Variants in ST7 observed in about 807,000 individuals in gnomAD.
The protein encoded by ST7 is suppressor of tumorigenicity 7 protein.
In ST7, 28 loss-of-function variants were observed where a neutral mutation model predicts 78.7. The ratio of observed to expected loss-of-function variants is 0.36; its 90% confidence interval spans 0.26 to 0.49. The LOEUF (loss-of-function observed/expected upper bound fraction) is 0.49. Ranked by LOEUF, ST7 falls within the 20% of genes least tolerant of loss-of-function variation. The pLI, the probability that ST7 is intolerant of heterozygous loss-of-function variation, is 0.99. For missense variants in ST7, 418 were observed against 696.0 expected, an observed-to-expected ratio of 0.60 and a Z score of 4.49; for synonymous variants, 247 against 249.6, an observed-to-expected ratio of 0.99 and a Z score of 0.10.
intron 10 of ST7, among the ~76,000 whole-genome samples, chr7:117,173,765 G>A (rs867789526): frequency 2.6e-5 from 4 of 152,042 alleles, no homozygotes; most frequent in East Asian, 1.9e-4. Flanking sequence ...TTGGGTAGCC[G>A]TTTTTTGGAT....
intron 10 of ST7, among the ~76,000 whole-genome samples, chr7:117,186,301 A>G (rs935397417): frequency 2.0e-5 from 3 of 152,190 alleles, no homozygotes; most frequent in Non-Finnish European, 4.4e-5. Flanking sequence ...CTTTGTGGCC[A>G]TTATGCAATA....
At chr7:117,181,018 A>G (rs1808715781) in intron 10 of ST7, among the ~76,000 whole-genome samples, 1 of 152,208 alleles carries the variant, frequency 6.6e-6, no homozygotes, top group Non-Finnish European at 1.5e-5. Flanking sequence ...TTCAATTAAT[A>G]TAACTTACTT....
At chr7:117,129,750 A>T in intron 3 of ST7, 43 bp from the exon 4 acceptor site, 1 of 1,506,194 alleles carries the variant, frequency 6.6e-7, no homozygotes, top group Non-Finnish European at 9.2e-7. Context: ...TTGTAGTGTC[A>T]CTGAACTTAC....
chr7:117,143,470 T>C (rs530281265), intron 9 of ST7, among the ~76,000 whole-genome samples: 350 of 152,320 alleles, frequency 2.3e-3, no homozygotes, highest in Non-Finnish European at 3.5e-3. Flanking sequence ...ATTTGAAGTG[T>C]CCCCTGGCCA....
chr7:117,200,294 C>T (rs546107898), intron 12 of ST7, among the ~76,000 whole-genome samples: 1 of 152,164 alleles, frequency 6.6e-6, no homozygotes, highest in South Asian at 2.1e-4. Context: ...GCATACAGTT[C>T]AGAAAATAAC....
chr7:117,208,900 T>TGGGG (rs1469878687), intron 12 of ST7, among the ~76,000 whole-genome samples: 9 of 99,330 alleles, frequency 9.1e-5, no homozygotes, highest in African/African-American at 2.0e-4. Flanking sequence ...GGTGTATGTG[T>TGGGG]GGGTGTGTGT....
chr7:117,209,390 A>C (rs1333887664), intron 12 of ST7, among the ~76,000 whole-genome samples: 1 of 152,188 alleles, frequency 6.6e-6, no homozygotes, highest in Non-Finnish European at 1.5e-5. Flanking sequence ...ACTCAATCTC[A>C]AATCTTTCTA....
intron 1 of ST7, among the ~76,000 whole-genome samples, chr7:117,080,011 C>T (rs922916909): frequency 1.8e-4 from 20 of 111,234 alleles, no homozygotes; most frequent in African/African-American, 5.1e-4. Flanking sequence ...GACGGAGTCT[C>T]GCTCTGTCGC....
intron 1 of ST7, among the ~76,000 whole-genome samples, chr7:117,003,629 C>T (rs920946856): frequency 5.9e-5 from 9 of 151,988 alleles, no homozygotes; most frequent in African/African-American, 1.2e-4. Flanking sequence ...ATGGGGGTTT[C>T]GCCATGTTGC....
intron 1 of ST7, among the ~76,000 whole-genome samples, chr7:117,051,071 G>A (rs1584524428): frequency 1.3e-5 from 2 of 151,980 alleles, no homozygotes; most frequent in East Asian, 3.8e-4. Context: ...GTTCAAATTT[G>A]TGATTCCAGG....
chr7:117,072,492 GT>G (rs1400775764), intron 1 of ST7: 1 of 152,150 alleles, frequency 6.6e-6, no homozygotes, highest in Non-Finnish European at 1.5e-5. Context: ...AGTAACAGAT[GT>G]TTTGATTTCA....
chr7:116,975,901 TG>T (rs763422858), intron 1 of ST7, among the ~76,000 whole-genome samples: 65 of 152,296 alleles, frequency 4.3e-4, no homozygotes, highest in Non-Finnish European at 7.1e-4. Context: ...TCAACTTTAC[TG>T]GGTATTGCCA....
At chr7:117,083,004 T>C (rs1799898530) in intron 1 of ST7, among the ~76,000 whole-genome samples, 1 of 152,200 alleles carries the variant, frequency 6.6e-6, no homozygotes, top group Non-Finnish European at 1.5e-5. Flanking sequence ...AGTTTAGGAA[T>C]TGGTCAACTA....
intron 1 of ST7, among the ~76,000 whole-genome samples, chr7:117,052,817 G>C (rs1045401182): frequency 6.6e-6 from 1 of 152,208 alleles, no homozygotes; most frequent in African/African-American, 2.4e-5. Flanking sequence ...TGGCGTGAAC[G>C]CAGGAGGCGG....
intron 1 of ST7, among the ~76,000 whole-genome samples, chr7:116,982,568 A>C (rs1794006756): frequency 6.6e-6 from 1 of 152,086 alleles, no homozygotes. Context: ...CATTATTTTA[A>C]TACTCAAATT....
rs897757492 is a variant in ST7 at position 117,022,861 on chromosome 7, G to A, written c.151+69170G>A. 3.3e-5 allele frequency: 5 copies of A among 152,064 alleles called. No homozygotes were observed. The South Asian group carries it at 8.3e-4, about 25-fold the overall frequency. The allele number at this position is 152,064 out of a possible 1,614,324, so 9.4% of individuals were successfully genotyped here. ...CATGCAGTAAAATGCTTAAGTCTAG[G>A]TGTGCAGCTCAGTGAATTTTTGCCC... On this transcript the variant is annotated intron_variant, in intron 1 of 15. Transcript: ENST00000323984.
chr7:117,083,169 C>G (rs886332869), intron 1 of ST7, among the ~76,000 whole-genome samples: 4 of 151,850 alleles, frequency 2.6e-5, no homozygotes, highest in African/African-American at 9.7e-5. Context: ...AAGCGATTCT[C>G]TTGCTTCAGC....
chr7:117,012,796 T>A (rs1198781941), intron 1 of ST7, among the ~76,000 whole-genome samples: 2 of 152,064 alleles, frequency 1.3e-5, no homozygotes, highest in African/African-American at 4.8e-5. Flanking sequence ...GAGATGGGAG[T>A]TGAATCTTCT....
intron 1 of ST7, among the ~76,000 whole-genome samples, chr7:117,007,403 A>C (rs1303658360): frequency 6.6e-6 from 1 of 152,202 alleles, no homozygotes; most frequent in Non-Finnish European, 1.5e-5. Context: ...GGGTTCTATG[A>C]AGGCTGAGAG....
Sources: gnomAD v4.1 joint callset for allele counts (sites outside exome capture counted in the v4.1 genomes callset) on GRCh38, gnomAD v4.1.1 for gene constraint, MANE v1.5 for transcripts, NCBI Gene and HGNC (gene_info 2026-07-23, HGNC 2026-07-21) for gene names.